The following PCDHA11 variants were observed in gnomAD, a reference collection of about 807,000 sequenced individuals.
PCDHA11 encodes protocadherin alpha 11, also known as protocadherin alpha-11.
PCDHA11 carries 61 observed loss-of-function variants against 70.3 expected under a neutral mutation model. That is an observed-to-expected ratio of 0.87 (90% CI 0.71 to 1.07). PCDHA11 has a LOEUF of 1.07. Ranked by LOEUF, PCDHA11 falls within the 50% of genes least tolerant of loss-of-function variation. The pLI, the probability that PCDHA11 is intolerant of heterozygous loss-of-function variation, is 0.00. For synonymous variants in PCDHA11, 633 were observed against 555.1 expected, an observed-to-expected ratio of 1.14 and a Z score of -1.97; for missense variants, 1,324 against 1,237.5, an observed-to-expected ratio of 1.07 and a Z score of -1.05.
intron 1 of PCDHA11, among the ~76,000 whole-genome samples, chr5:140,922,557 CA>C (rs1214132732): frequency 3.2e-4 from 49 of 152,258 alleles, no homozygotes; most frequent in African/African-American, 1.1e-3. Context: ...GGAGAAAAGT[CA>C]GGATGACAAG....
At chr5:140,914,297 G>A (rs1371976850) in intron 1 of PCDHA11, among the ~76,000 whole-genome samples, 2 of 152,056 alleles carry the variant, frequency 1.3e-5, no homozygotes, top group African/African-American at 4.8e-5. Flanking sequence ...ATATCCTCTT[G>A]CTGAATTGAC....
intron 1 of PCDHA11, among the ~76,000 whole-genome samples, chr5:140,911,719 G>C (rs1184939092): frequency 6.6e-6 from 1 of 151,412 alleles, no homozygotes; most frequent in African/African-American, 2.5e-5. Context: ...GTGTAACTCT[G>C]TAAACAGTTC....
chr5:140,874,685 T>C (rs1212570606), intron 1 of PCDHA11, among the ~76,000 whole-genome samples: 1 of 152,234 alleles, frequency 6.6e-6, no homozygotes, highest in Non-Finnish European at 1.5e-5. Flanking sequence ...AGATTTGTTT[T>C]AACATGTTAT....
intron 1 of PCDHA11, among the ~76,000 whole-genome samples, chr5:140,898,137 G>C (rs1554187832): frequency 6.6e-6 from 1 of 152,098 alleles, no homozygotes; most frequent in African/African-American, 2.4e-5. Flanking sequence ...CATTTTGTAG[G>C]TTGCCTGTTC....
chr5:140,884,791 C>T, intron 1 of PCDHA11: 1 of 1,319,574 alleles, frequency 7.6e-7, no homozygotes, highest in Non-Finnish European at 1.0e-6. Context: ...TAGTTGTTAT[C>T]GAATTTAACA....
intron 1 of PCDHA11, chr5:140,927,351 G>A (rs782202644): frequency 1.4e-5 from 23 of 1,614,054 alleles, no homozygotes; most frequent in Non-Finnish European, 1.9e-5. Flanking sequence ...ATGACGACGA[G>A]GGAAGCAATG....
chr5:140,874,266 T>C (rs1554167103), intron 1 of PCDHA11, among the ~76,000 whole-genome samples: 2 of 152,222 alleles, frequency 1.3e-5, no homozygotes, highest in Admixed American at 1.3e-4. Context: ...TTGACTTGAG[T>C]ATTAATAGAC....
At chr5:140,995,647 A>G (rs1419237450) in intron 3 of PCDHA11, among the ~76,000 whole-genome samples, 2 of 152,202 alleles carry the variant, frequency 1.3e-5, no homozygotes, top group African/African-American at 4.8e-5. Context: ...TTAGAAAAGG[A>G]GAATCGAAAA....
chr5:140,988,423 T>G (rs2097297373), intron 3 of PCDHA11, among the ~76,000 whole-genome samples: 2 of 152,176 alleles, frequency 1.3e-5, no homozygotes. Context: ...GTAAAGAATT[T>G]GTTTGTTTTG....
At chr5:140,967,029 G>C (rs1554229079) in intron 1 of PCDHA11, 4 of 1,608,938 alleles carry the variant, frequency 2.5e-6, no homozygotes, top group East Asian at 2.2e-5. Flanking sequence ...CCCAGTCCGC[G>C]CTACCTGGAG....
At chr5:140,955,506 G>A (rs781377705) in intron 1 of PCDHA11, among the ~76,000 whole-genome samples, 3 of 152,222 alleles carry the variant, frequency 2.0e-5, no homozygotes, top group South Asian at 2.1e-4. Flanking sequence ...GAAGAAAGAC[G>A]TGTTTGCTTT....
At chr5:140,876,814 G>T (rs571648883) in intron 1 of PCDHA11, 1 of 1,614,226 alleles carries the variant, frequency 6.2e-7, no homozygotes, top group Non-Finnish European at 8.5e-7. Context: ...GGTGGCCGAC[G>T]TGAACGACAA....
At chr5:140,969,733 T>C (rs1299165103) in intron 1 of PCDHA11, among the ~76,000 whole-genome samples, 1 of 152,242 alleles carries the variant, frequency 6.6e-6, no homozygotes, top group Non-Finnish European at 1.5e-5. Context: ...TTTGAAATCC[T>C]ATATGAGTGA....
At chr5:140,955,652 A>T (rs1452679583) in intron 1 of PCDHA11, among the ~76,000 whole-genome samples, 2 of 152,180 alleles carry the variant, frequency 1.3e-5, no homozygotes, top group African/African-American at 4.8e-5. Context: ...ATTAATACAC[A>T]TATGAATTTT....
chr5:140,895,874 C>T (rs1051774060), intron 1 of PCDHA11, among the ~76,000 whole-genome samples: 5 of 152,120 alleles, frequency 3.3e-5, no homozygotes, highest in Admixed American at 2.6e-4. Context: ...TGCAATGGCG[C>T]GATCTCGGCT....
chr5:140,928,889 A>T, intron 1 of PCDHA11: 2 of 1,614,118 alleles, frequency 1.2e-6, no homozygotes, highest in Non-Finnish European at 1.7e-6. Flanking sequence ...TTACTTCCAG[A>T]CTTTGAAGAT....
At chr5:140,960,551 G>T (rs2095555454) in intron 1 of PCDHA11, among the ~76,000 whole-genome samples, 1 of 152,102 alleles carries the variant, frequency 6.6e-6, no homozygotes, top group Admixed American at 6.5e-5. Flanking sequence ...CCTTCATATA[G>T]ACTGAGCTTA....
intron 1 of PCDHA11, among the ~76,000 whole-genome samples, chr5:140,913,707 A>T (rs1355291016): frequency 6.6e-6 from 1 of 152,120 alleles, no homozygotes; most frequent in Non-Finnish European, 1.5e-5. Flanking sequence ...CAATGTAGGC[A>T]ATTACAGCTA....
intron 1 of PCDHA11, among the ~76,000 whole-genome samples, chr5:140,959,469 A>G (rs1180811354): frequency 5.3e-5 from 8 of 152,226 alleles, no homozygotes; most frequent in East Asian, 1.9e-4. Context: ...GTTGGCATCA[A>G]TCAAGGCATA....
Sources: allele counts gnomAD v4.1 joint callset (sites outside exome capture counted in the v4.1 genomes callset), GRCh38; gene constraint gnomAD v4.1.1; transcripts MANE v1.5; gene names NCBI Gene and HGNC (gene_info 2026-07-23, HGNC 2026-07-21).